ERCC6: variants seen among roughly 807,000 people sequenced by gnomAD.
The protein encoded by ERCC6 is DNA excision repair protein ERCC-6.
In ERCC6, 116 loss-of-function variants were observed where a neutral mutation model predicts 158.7. The observed-to-expected ratio is 0.73, with a 90% CI of 0.63 to 0.85. The LOEUF is 0.85. Ranked by LOEUF, ERCC6 falls within the 40% of genes least tolerant of loss-of-function variation. The probability of loss-of-function intolerance (pLI) is 0.00; values close to 1 mark genes in which losing one functional copy is unlikely to be tolerated. For synonymous variants in ERCC6, 678 were observed against 659.3 expected, an observed-to-expected ratio of 1.03 and a Z score of -0.43; for missense variants, 1,698 against 1,799.4, an observed-to-expected ratio of 0.94 and a Z score of 1.02.
intron 12 of ERCC6, 119 bp from the exon 13 acceptor site, chr10:49,474,361 A>C: frequency 1.3e-6 from 1 of 756,738 alleles, no homozygotes; most frequent in South Asian, 1.5e-5. Flanking sequence ...CCAGCTTCTT[A>C]GTTTCTTCTC....
intron 12 of ERCC6, chr10:49,475,390 A>C (rs1287948307): frequency 4.5e-6 from 2 of 446,674 alleles, no homozygotes; most frequent in Non-Finnish European, 9.0e-6. Context: ...TGTAGTTTGC[A>C]TTCCCTTTCC....
intron 5 of ERCC6, chr10:49,515,148 T>A: frequency 7.7e-7 from 1 of 1,301,482 alleles, no homozygotes. Flanking sequence ...TTTTTTGAAT[T>A]TTTGCATGAA....
At chr10:49,522,555 A>G (rs1040019202) in intron 5 of ERCC6, among the ~76,000 whole-genome samples, 3 of 152,236 alleles carry the variant, frequency 2.0e-5, no homozygotes, top group African/African-American at 7.2e-5. Context: ...TATTAAGAAA[A>G]ACTTATTGCC....
intron 8 of ERCC6, among the ~76,000 whole-genome samples, chr10:49,485,147 C>T (rs996813542): frequency 2.0e-5 from 3 of 152,202 alleles, no homozygotes; most frequent in African/African-American, 7.2e-5. Flanking sequence ...TGCTCCTGCA[C>T]CACATTCTCA....
At chr10:49,445,602 A>G in the ERCC6 span, among the ~76,000 whole-genome samples, 1 of 152,372 alleles carries the variant, frequency 6.6e-6, no homozygotes, top group East Asian at 1.9e-4. Context: ...TAATGGTTTC[A>G]GCAATGTAAC....
chr10:49,488,322 A>C (rs973772198), intron 8 of ERCC6: 2 of 155,752 alleles, frequency 1.3e-5, no homozygotes, highest in African/African-American at 2.4e-5. Flanking sequence ...GCACAGGCAC[A>C]TGAAGGCCAT....
the ERCC6 span, among the ~76,000 whole-genome samples, chr10:49,446,259 C>CCA: frequency 1.8e-5 from 2 of 114,228 alleles, no homozygotes; most frequent in Admixed American, 8.5e-5. Context: ...ACACACACAC[C>CCA]CCCCAATTTA....
intron 8 of ERCC6, among the ~76,000 whole-genome samples, chr10:49,489,567 T>C (rs2132560009): frequency 6.6e-6 from 1 of 152,320 alleles, no homozygotes; most frequent in Non-Finnish European, 1.5e-5. Flanking sequence ...CTCTTGTTGC[T>C]TTTCCCACTC....
chr10:49,507,236 T>C (rs1007515259), intron 5 of ERCC6, among the ~76,000 whole-genome samples: 3 of 152,044 alleles, frequency 2.0e-5, no homozygotes, highest in African/African-American at 7.2e-5. Flanking sequence ...CTCTTCAAGG[T>C]AACAAAAGGA....
intron 7 of ERCC6, among the ~76,000 whole-genome samples, 194 bp downstream of exon 7, chr10:49,500,344 C>T (rs950379033): frequency 1.3e-5 from 2 of 152,140 alleles, no homozygotes; most frequent in African/African-American, 2.4e-5. Context: ...AAAAGTGTTA[C>T]ATGTTTAATT....
intron 5 of ERCC6, among the ~76,000 whole-genome samples, chr10:49,515,037 A>G (rs530249726): frequency 5.8e-4 from 89 of 152,300 alleles, no homozygotes; most frequent in African/African-American, 2.1e-3. Flanking sequence ...CAGAGCAGGA[A>G]GCAGAATTAG....
chr10:49,517,299 A>C (rs551149050), intron 5 of ERCC6, among the ~76,000 whole-genome samples: 3 of 152,364 alleles, frequency 2.0e-5, no homozygotes, highest in Non-Finnish European at 4.4e-5. Context: ...AATTACTAGT[A>C]TAGGATGTAG....
intron 5 of ERCC6, among the ~76,000 whole-genome samples, chr10:49,518,041 G>A (rs528103634): frequency 2.0e-5 from 3 of 152,340 alleles, no homozygotes; most frequent in African/African-American, 4.8e-5. Context: ...GGCCTTTGCC[G>A]AAGCACAGCC....
rs778477262 is a variant in ERCC6 at position 49,461,503 on chromosome 10, C to T, written c.3832G>A (p.Asp1278Asn). Residue 1278 changes from aspartate (D) to asparagine (N), a missense_variant, in exon 19 of 21, where the codon GAT (aspartate) becomes AAT (asparagine). By Grantham distance (23) the Asp-to-Asn change is conservative (BLOSUM62 1). Transcript: ENST00000355832. ...HDAIMDGASP[D>N]YVLVEAEANR... is the part of the protein sequence containing the mutation. ...GCTTCTGCCTCCACCAGTACATAAT[C>T]TGGGCTGGCTCCATCCATGATGGCA... 1.8e-5 allele frequency: 29 copies of T among 1,614,032 alleles called. 1 individual carries two copies. In the South Asian group the frequency reaches 2.9e-4, roughly 16 times the overall value.
At chr10:49,526,460 T>C (rs557209795) in intron 4 of ERCC6, among the ~76,000 whole-genome samples, 1 of 152,282 alleles carries the variant, frequency 6.6e-6, no homozygotes, top group African/African-American at 2.4e-5. Context: ...TAGTTCTTTA[T>C]ACATCCTAGA....
At chr10:49,502,607 A>C in intron 6 of ERCC6, 1 of 152,240 alleles carries the variant, frequency 6.6e-6, no homozygotes, top group South Asian at 2.1e-4. Context: ...GCTAGAAAAA[A>C]ATGAGCAAGC....
At chr10:49,435,872 G>A in the ERCC6 span, among the ~76,000 whole-genome samples, 7 of 151,902 alleles carry the variant, frequency 4.6e-5, no homozygotes, top group African/African-American at 9.7e-5. Flanking sequence ...GGTGGCAGGC[G>A]CCTGTCATCC....
rs747586740 is a variant in ERCC6, at chr10:49,532,900, G to A, written c.65C>T (p.Pro22Leu). The A allele has an allele frequency of 6.2e-7, 1 of 1,614,214 alleles. No individual in the cohort carries two copies. Among genetic ancestry groups the A allele is most frequent in the South Asian group, 1.1e-5 (1 of 91,088 alleles). ...TGCCATTTCTTCATTATTACTGACA[G>A]GTTGACTCTGTAAACAGTCTTGCTC... The part of the protein sequence containing the change: ...TQEQDCLQSQ[P>L]VSNNEEMAIK... The change falls in exon 2 of 21, where the codon CCT becomes CTT. Residue 22 changes from proline to leucine, a missense_variant. Transcript: ENST00000355832.
Position 49,458,602 on chromosome 10 carries a change from C to G in ERCC6, c.*213G>C. 1 of 559,168 alleles carries G rather than the reference C, an allele frequency of 1.8e-6. No homozygotes were observed. Among genetic ancestry groups the G allele is most frequent in the Non-Finnish European group, 3.1e-6 (1 of 320,666 alleles). 34.6% of individuals were successfully genotyped at this position (559,168 alleles called of 1,614,324 possible). ...ATTGCCAAAAAAAAAAAAATCAATC[C>G]AAGTATTTTCTCCTTTAGCTAGCAT... is the stretch of plus-strand genomic sequence containing the variant. On this transcript the variant is annotated 3_prime_UTR_variant, in exon 21 of 21. Coordinates refer to ENST00000355832, the MANE Select transcript of ERCC6 (RefSeq NM_000124.4).
Sources: allele counts gnomAD v4.1 joint callset (sites outside exome capture counted in the v4.1 genomes callset), GRCh38; gene constraint gnomAD v4.1.1; transcripts MANE v1.5; gene names NCBI Gene and HGNC (gene_info 2026-07-23, HGNC 2026-07-21).